Variants in ADARB2 observed in about 807,000 individuals in gnomAD.
The protein encoded by ADARB2 is inactive double-stranded RNA-specific editase B2.
Under a neutral mutation model 62.2 loss-of-function variants are expected in ADARB2, and 25 were observed. The ratio of observed to expected loss-of-function variants is 0.40; its 90% confidence interval spans 0.29 to 0.56. ADARB2 has a LOEUF of 0.56. Ranked by LOEUF, ADARB2 falls within the 20% of genes least tolerant of loss-of-function variation. ADARB2 has a pLI of 0.43. For missense variants in ADARB2, 1,071 were observed against 1,077.4 expected (o/e 0.99, Z 0.08); for synonymous variants, 572 against 500.8 (o/e 1.14, Z -1.90).
intron 1 of ADARB2, among the ~76,000 whole-genome samples, chr10:1,417,916 A>C (rs568597032): frequency 7.2e-5 from 11 of 152,248 alleles, no homozygotes; most frequent in African/African-American, 2.7e-4. Context: ...GCCAGGGTGC[A>C]TGGGGAAAAT....
At chr10:1,629,198 T>C (rs1833812883) in intron 1 of ADARB2, among the ~76,000 whole-genome samples, 1 of 152,156 alleles carries the variant, frequency 6.6e-6, no homozygotes, top group Non-Finnish European at 1.5e-5. Context: ...TTACTCTTTC[T>C]CCTTTGTTTA....
intron 1 of ADARB2, among the ~76,000 whole-genome samples, chr10:1,609,405 G>A (rs1245832951): frequency 6.6e-6 from 1 of 152,166 alleles, no homozygotes; most frequent in Non-Finnish European, 1.5e-5. Flanking sequence ...TGGGAAGGCG[G>A]CACCCCCACC....
At position 1,426,574 on chromosome 10, in the gene ADARB2, G is replaced by A. The variant is rs1390542040; in HGVS notation, c.101-47414C>T. Among the ~76,000 whole-genome samples, 1 of 152,136 alleles carries A rather than the reference G, an allele frequency of 6.6e-6. No homozygotes were observed. Among genetic ancestry groups the A allele is most frequent in the Non-Finnish European group, 1.5e-5 (1 of 68,020 alleles). ...GCCTCTCTCCCCTGTTGTGGCCTTG[G>A]AAGGAAAAGCCTCCAGCTCTGAGTC... is the stretch of plus-strand genomic sequence containing the variant. On this transcript the variant is annotated intron_variant, in intron 1 of 9. Coordinates refer to ENST00000381312, the MANE Select transcript of ADARB2 (RefSeq NM_018702.4). This position sits in a 1 kb window ranked among gnomAD's most constrained non-coding sequence, Gnocchi z 4.1.
chr10:1,477,335 G>T lies in ADARB2; in HGVS notation c.101-98175C>A, dbSNP rs1247430009. On this transcript the variant is annotated intron_variant, in intron 1 of 9. Coordinates refer to ENST00000381312, the MANE Select transcript of ADARB2 (RefSeq NM_018702.4). The surrounding 1 kb of genome is among the most constrained non-coding windows in gnomAD (Gnocchi z 4.5). ...TCACAGGCAACTGCTGGCATGACAT[G>T]CTGTTCCCAAATACCTCACTCCACA... Among the ~76,000 whole-genome samples the T allele has an allele frequency of 2.0e-5, 3 of 152,144 alleles. No homozygotes were observed. Among genetic ancestry groups the T allele is most frequent in the African/African-American group, 4.8e-5 (2 of 41,420 alleles).
chr10:1,463,279 C>T (rs2676192), intron 1 of ADARB2, among the ~76,000 whole-genome samples: 89,906 of 151,958 alleles, frequency 0.59, 26,870 homozygotes, highest in South Asian at 0.75. Context: ...GTGGAGGCCG[C>T]TATTCCAGCA....
At chr10:1,665,005 A>C (rs995398451) in intron 1 of ADARB2, among the ~76,000 whole-genome samples, 4 of 152,206 alleles carry the variant, frequency 2.6e-5, no homozygotes, top group African/African-American at 9.6e-5. Flanking sequence ...ATGAGATTCA[A>C]GGTGAGTCAT....
intron 1 of ADARB2, among the ~76,000 whole-genome samples, chr10:1,536,003 C>T (rs933874521): frequency 1.5e-4 from 23 of 152,092 alleles, no homozygotes; most frequent in Non-Finnish European, 2.6e-4. Flanking sequence ...GGAATCCTGG[C>T]CTTTTAGGAT....
intron 1 of ADARB2, among the ~76,000 whole-genome samples, chr10:1,705,348 G>A (rs1276673414): frequency 2.0e-5 from 3 of 152,168 alleles, no homozygotes; most frequent in African/African-American, 7.2e-5. Flanking sequence ...TGGCCGGTAT[G>A]ATGGACAAGG....
intron 1 of ADARB2, among the ~76,000 whole-genome samples, chr10:1,475,456 T>C (rs977536005): frequency 1.3e-5 from 2 of 152,094 alleles, no homozygotes; most frequent in Non-Finnish European, 2.9e-5. Context: ...CGGCCTCCTC[T>C]GTGGGGAGGG....
At chr10:1,501,694 G>C (rs1346489361) in intron 1 of ADARB2, among the ~76,000 whole-genome samples, 1 of 152,150 alleles carries the variant, frequency 6.6e-6, no homozygotes, top group Non-Finnish European at 1.5e-5. Context: ...TTGATCCAAG[G>C]GTAAAATGTA....
At position 1,501,164 on chromosome 10, in the gene ADARB2, C is replaced by T. The variant is rs142619107; in HGVS notation, c.101-122004G>A. ...CTGGGATTATAGGCGTGAGTCACCACGCCTGGCCTCTAGTGTACCTTTTTA... is the reference window on the plus strand; with the variant it reads ...CTGGGATTATAGGCGTGAGTCACCATGCCTGGCCTCTAGTGTACCTTTTTA... On this transcript the variant is annotated intron_variant, in intron 1 of 9. Coordinates refer to ENST00000381312, the MANE Select transcript of ADARB2 (RefSeq NM_018702.4). Among the ~76,000 whole-genome samples the T allele has an allele frequency of 2.3e-3, 355 of 152,288 alleles. 1 individual carries two copies. The highest frequency in any genetic ancestry group is 8.0e-3 in the African/African-American group (334 of 41,556).
chr10:1,472,376 G>T (rs1450458633), intron 1 of ADARB2, among the ~76,000 whole-genome samples: 1 of 151,716 alleles, frequency 6.6e-6, no homozygotes, highest in African/African-American at 2.4e-5. Context: ...TAGGGGCGAG[G>T]GCCACGCGGC....
intron 3 of ADARB2, among the ~76,000 whole-genome samples, chr10:1,284,944 G>A (rs1375172572): frequency 6.6e-6 from 1 of 152,150 alleles, no homozygotes; most frequent in Non-Finnish European, 1.5e-5. Flanking sequence ...GGAAGGCATA[G>A]GTTGCCATCC....
At chr10:1,248,092 T>C (rs1481409082) in intron 4 of ADARB2, among the ~76,000 whole-genome samples, 1 of 152,232 alleles carries the variant, frequency 6.6e-6, no homozygotes, top group Non-Finnish European at 1.5e-5. Context: ...TAGGGGCTTA[T>C]TAAGTCAGGA....
intron 1 of ADARB2, among the ~76,000 whole-genome samples, chr10:1,407,948 C>T (rs547196179): frequency 1.3e-5 from 2 of 152,268 alleles, no homozygotes; most frequent in South Asian, 4.2e-4. Flanking sequence ...TGAATTATCT[C>T]AGTATTATAG....
chr10:1,354,805 T>G (rs1056210966), intron 3 of ADARB2, among the ~76,000 whole-genome samples: 1 of 152,204 alleles, frequency 6.6e-6, no homozygotes, highest in Non-Finnish European at 1.5e-5. Flanking sequence ...TTTGGTGTAA[T>G]GATGAGTCCC....
At chr10:1,297,771 A>C (rs539965703) in intron 3 of ADARB2, among the ~76,000 whole-genome samples, 1 of 152,264 alleles carries the variant, frequency 6.6e-6, no homozygotes, top group East Asian at 1.9e-4. Context: ...AAACTCCCCC[A>C]GTCTAGAGAC....
At chr10:1,288,353 C>T (rs746874615) in intron 3 of ADARB2, among the ~76,000 whole-genome samples, 1 of 152,216 alleles carries the variant, frequency 6.6e-6, no homozygotes, top group Non-Finnish European at 1.5e-5. Context: ...TAAATGGCAG[C>T]TGACATTTCT....
chr10:1,599,028 T>C (rs1317224513), intron 1 of ADARB2, among the ~76,000 whole-genome samples: 3 of 152,252 alleles, frequency 2.0e-5, no homozygotes, highest in Admixed American at 1.3e-4. Flanking sequence ...CCCAGTATTG[T>C]AGCTCACAAC....
Sources: gnomAD v4.1 joint callset for allele counts (sites outside exome capture counted in the v4.1 genomes callset) on GRCh38, gnomAD v4.1.1 for gene constraint, Gnocchi (gnomAD v3.1) non-coding constraint, MANE v1.5 for transcripts, NCBI Gene and HGNC (gene_info 2026-07-23, HGNC 2026-07-21) for gene names.